Variants in FGF12 observed in about 807,000 individuals in gnomAD.
FGF12 encodes fibroblast growth factor 12, also known as fibroblast growth factor 12B.
In FGF12, 14 loss-of-function variants were observed where a neutral mutation model predicts 23.6. The ratio of observed to expected loss-of-function variants is 0.59; its 90% confidence interval spans 0.39 to 0.93. FGF12 has a LOEUF of 0.93. Ranked by LOEUF, FGF12 falls within the 40% of genes least tolerant of loss-of-function variation. The pLI, the probability that FGF12 is intolerant of heterozygous loss-of-function variation, is 0.00. For missense variants in FGF12, 175 were observed against 217.8 expected (o/e 0.80, Z 1.24); for synonymous variants, 62 against 77.3 (o/e 0.80, Z 1.04).
At chr3:192,258,758 T>C (rs1276698281) in intron 4 of FGF12, among the ~76,000 whole-genome samples, 1 of 152,140 alleles carries the variant, frequency 6.6e-6, no homozygotes, top group African/African-American at 2.4e-5. Context: ...CAAGTAATGA[T>C]ATATGAAAGA....
chr3:192,363,031 T>C (rs768380205), intron 2 of FGF12, among the ~76,000 whole-genome samples: 6 of 149,624 alleles, frequency 4.0e-5, no homozygotes, highest in Admixed American at 1.4e-4. Flanking sequence ...TAAGTGGGAA[T>C]TGAACAATGA....
chr3:192,281,122 G>A (rs1049104501), intron 4 of FGF12, among the ~76,000 whole-genome samples: 10 of 152,066 alleles, frequency 6.6e-5, no homozygotes, highest in Admixed American at 3.9e-4. Flanking sequence ...CAAACTGGGT[G>A]GCTTAGACAA....
intron 2 of FGF12, among the ~76,000 whole-genome samples, chr3:192,477,783 C>T (rs1411169505): frequency 6.6e-6 from 1 of 152,168 alleles, no homozygotes; most frequent in African/African-American, 2.4e-5. Flanking sequence ...CTCGAAACCA[C>T]ATATTTATAA....
chr3:192,594,092 G>A (rs968722749), intron 2 of FGF12, among the ~76,000 whole-genome samples: 1 of 151,908 alleles, frequency 6.6e-6, no homozygotes, highest in African/African-American at 2.4e-5. Context: ...GGCTTGAAAT[G>A]TCTGGTAAGG....
intron 4 of FGF12, among the ~76,000 whole-genome samples, chr3:192,330,706 A>T (rs1717069264): frequency 6.6e-6 from 1 of 151,210 alleles, no homozygotes; most frequent in Non-Finnish European, 1.5e-5. Context: ...CATCTCAAGA[A>T]ACAAAAAACA....
chr3:192,551,461 A>C (rs891106795), intron 2 of FGF12, among the ~76,000 whole-genome samples: 2 of 152,244 alleles, frequency 1.3e-5, no homozygotes, highest in Non-Finnish European at 2.9e-5. Flanking sequence ...TAAGAGAACA[A>C]CTATAGCAGT....
At chr3:192,430,402 C>T (rs368929370) in intron 2 of FGF12, among the ~76,000 whole-genome samples, 57 of 152,172 alleles carry the variant, frequency 3.7e-4, no homozygotes, top group Middle Eastern at 3.4e-3. Flanking sequence ...GGTATAGTTT[C>T]GGTTCTGCAA....
chr3:192,662,470 T>G (rs566503345), intron 2 of FGF12, among the ~76,000 whole-genome samples: 20 of 152,328 alleles, frequency 1.3e-4, no homozygotes, highest in African/African-American at 4.1e-4. Context: ...AGGGATGACT[T>G]GAAAGCTACC....
chr3:192,468,822 T>C (rs1723081680), intron 2 of FGF12, among the ~76,000 whole-genome samples: 1 of 152,218 alleles, frequency 6.6e-6, no homozygotes, highest in South Asian at 2.1e-4. Context: ...TCTGCATTCA[T>C]TATTAACGTG....
intron 4 of FGF12, among the ~76,000 whole-genome samples, chr3:192,304,234 C>T (rs1241294356): frequency 1.3e-5 from 2 of 152,154 alleles, no homozygotes; most frequent in African/African-American, 4.8e-5. Context: ...ACTCTCTTAA[C>T]CCTCCACAGC....
intron 2 of FGF12, among the ~76,000 whole-genome samples, chr3:192,501,429 A>G (rs543253454): frequency 3.9e-5 from 6 of 152,258 alleles, no homozygotes; most frequent in African/African-American, 1.4e-4. Flanking sequence ...TTTTTCTTCT[A>G]TTCCTTCCTG....
chr3:192,282,699 T>C (rs1222493665), intron 4 of FGF12: 1 of 151,922 alleles, frequency 6.6e-6, no homozygotes, highest in Non-Finnish European at 1.5e-5. Context: ...ATGTATATAT[T>C]AGAGAGACAG....
chr3:192,334,091 A>G (rs1717267387), intron 4 of FGF12, among the ~76,000 whole-genome samples: 1 of 152,082 alleles, frequency 6.6e-6, no homozygotes, highest in South Asian at 2.1e-4. Context: ...AGTTAATGAA[A>G]ACTCAGGGAA....
At chr3:192,308,414 A>T (rs1715763162) in intron 4 of FGF12, among the ~76,000 whole-genome samples, 2 of 152,214 alleles carry the variant, frequency 1.3e-5, no homozygotes, top group African/African-American at 4.8e-5. Flanking sequence ...ACAGTGGCTC[A>T]CGCCTGTAAT....
chr3:192,236,155 A>C (rs1719284430), intron 4 of FGF12, among the ~76,000 whole-genome samples: 1 of 152,090 alleles, frequency 6.6e-6, no homozygotes. Flanking sequence ...ATTTCCATGT[A>C]ATTGTATGGT....
chr3:192,277,660 T>C (rs1181739194), intron 4 of FGF12, among the ~76,000 whole-genome samples: 2 of 152,218 alleles, frequency 1.3e-5, no homozygotes, highest in East Asian at 3.8e-4. Context: ...TGAACATTCT[T>C]TCCTCCTTGC....
chr3:192,581,869 C>T (rs916195786), intron 2 of FGF12, among the ~76,000 whole-genome samples: 1 of 152,012 alleles, frequency 6.6e-6, no homozygotes, highest in African/African-American at 2.4e-5. Flanking sequence ...TCTTTAATTA[C>T]CTAAAAGATT....
chr3:192,232,626 G>C (rs1577260314), intron 4 of FGF12, among the ~76,000 whole-genome samples: 1 of 151,880 alleles, frequency 6.6e-6, no homozygotes, highest in Non-Finnish European at 1.5e-5. Flanking sequence ...ACTGGGGTTT[G>C]GTGTACACAT....
rs150356786 is a variant in FGF12, at chr3:192,683,275, C to T, written c.13+43906G>A. Among the ~76,000 whole-genome samples, 478 of 152,254 alleles carry T rather than the reference C, an allele frequency of 3.1e-3. 1 individual carries two copies. Among genetic ancestry groups the T allele is most frequent in the Non-Finnish European group, 5.6e-3 (380 of 68,010 alleles). ...CCTTAACCTGTGGAGTCAGTGCTAA[C>T]TCTGAGCGGTTAGTGTCAGATTTGA... On this transcript the variant is annotated intron_variant, in intron 2 of 5. Coordinates refer to ENST00000445105, the MANE Select transcript of FGF12 (RefSeq NM_004113.6).
Sources: gnomAD v4.1 joint callset for allele counts (sites outside exome capture counted in the v4.1 genomes callset) on GRCh38, gnomAD v4.1.1 for gene constraint, MANE v1.5 for transcripts, NCBI Gene and HGNC (gene_info 2026-07-23, HGNC 2026-07-21) for gene names.